RBFOX1: variants seen among roughly 807,000 people sequenced by gnomAD.
RBFOX1 encodes RNA binding protein fox-1 homolog 1.
Under a neutral mutation model 57.7 loss-of-function variants are expected in RBFOX1, and 8 were observed. The observed-to-expected ratio is 0.14, with a 90% CI of 0.08 to 0.25. The LOEUF (loss-of-function observed/expected upper bound fraction) is 0.25. RBFOX1 is among the 10% of genes least tolerant of loss of function. RBFOX1 has a pLI of 1.00. For missense variants in RBFOX1, 611 were observed against 548.5 expected, an observed-to-expected ratio of 1.11 and a Z score of -1.14; for synonymous variants, 326 against 222.4, an observed-to-expected ratio of 1.47 and a Z score of -4.15.
intron 4 of RBFOX1, among the ~76,000 whole-genome samples, chr16:7,464,040 C>G (rs1325275612): frequency 6.6e-6 from 1 of 152,214 alleles, no homozygotes; most frequent in East Asian, 1.9e-4. Context: ...GCCTTGGCTG[C>G]TAATCTTTTT....
At chr16:5,609,172 C>T (rs1054069268) in intron 3 of RBFOX1, among the ~76,000 whole-genome samples, 1 of 152,078 alleles carries the variant, frequency 6.6e-6, no homozygotes, top group East Asian at 1.9e-4. Flanking sequence ...CGAAATGGGC[C>T]GAACCACCTG....
At chr16:6,343,950 A>G (rs760163540) in intron 2 of RBFOX1, among the ~76,000 whole-genome samples, 1 of 152,212 alleles carries the variant, frequency 6.6e-6, no homozygotes, top group Non-Finnish European at 1.5e-5. Flanking sequence ...GCTGTTACAA[A>G]TGTCAGCTGA....
At chr16:6,464,851 T>A (rs2095005808) in intron 2 of RBFOX1, among the ~76,000 whole-genome samples, 1 of 152,206 alleles carries the variant, frequency 6.6e-6, no homozygotes, top group South Asian at 2.1e-4. Context: ...AGCAGTGCGT[T>A]AAAAACAGGT....
chr16:5,488,421 G>A (rs2042710480), intron 2 of RBFOX1, among the ~76,000 whole-genome samples: 1 of 151,772 alleles, frequency 6.6e-6, no homozygotes, highest in African/African-American at 2.4e-5. Flanking sequence ...TGATGATAAT[G>A]GAGGATTATG....
At chr16:7,229,681 A>G (rs1225323849) in intron 4 of RBFOX1, among the ~76,000 whole-genome samples, 28 of 74,514 alleles carry the variant, frequency 3.8e-4, no homozygotes, top group East Asian at 8.7e-4. Context: ...AGTAAGGGAG[A>G]GAGACGAAGG....
intron 3 of RBFOX1, among the ~76,000 whole-genome samples, chr16:6,963,660 G>A (rs1395954292): frequency 6.6e-6 from 1 of 152,094 alleles, no homozygotes; most frequent in Non-Finnish European, 1.5e-5. Flanking sequence ...GGGAGGGAGG[G>A]ATGAAGAGGC....
intron 2 of RBFOX1, among the ~76,000 whole-genome samples, chr16:6,412,003 G>T (rs1016552025): frequency 1.3e-5 from 2 of 151,922 alleles, no homozygotes; most frequent in Admixed American, 6.6e-5. Flanking sequence ...GTAGTGGCAG[G>T]CGCCTGTAAT....
intron 2 of RBFOX1, among the ~76,000 whole-genome samples, chr16:6,536,947 C>T (rs747616331): frequency 1.4e-4 from 21 of 152,112 alleles, no homozygotes; most frequent in Non-Finnish European, 2.5e-4. Context: ...TTTGTTTCTT[C>T]TAATACTCTA....
At chr16:7,244,795 T>G (rs913639456) in intron 4 of RBFOX1, among the ~76,000 whole-genome samples, 1 of 152,224 alleles carries the variant, frequency 6.6e-6, no homozygotes, top group African/African-American at 2.4e-5. Flanking sequence ...GGCTGGGTCA[T>G]CAGACATATG....
At chr16:7,614,207 G>C (rs184749297) in intron 10 of RBFOX1, 2 of 152,316 alleles carry the variant, frequency 1.3e-5, no homozygotes, top group Non-Finnish European at 1.5e-5. Context: ...GCACTTCAGT[G>C]AACTGGAACA....
At chr16:6,726,277 T>G (rs1187688333) in intron 3 of RBFOX1, among the ~76,000 whole-genome samples, 4 of 152,230 alleles carry the variant, frequency 2.6e-5, no homozygotes, top group African/African-American at 9.6e-5. Context: ...GACTCTGGTT[T>G]TATGTAACAT....
chr16:5,618,873 A>C (rs1268637273), intron 3 of RBFOX1, among the ~76,000 whole-genome samples: 1 of 152,136 alleles, frequency 6.6e-6, no homozygotes, highest in Non-Finnish European at 1.5e-5. Context: ...CAGATCCAGA[A>C]CCCAGCTTCC....
chr16:7,657,786 G>T (rs1035078374), intron 12 of RBFOX1, among the ~76,000 whole-genome samples: 1 of 152,046 alleles, frequency 6.6e-6, no homozygotes, highest in Non-Finnish European at 1.5e-5. Context: ...GAAAGTTGTG[G>T]ACCATGGTGG....
At chr16:6,728,665 T>C (rs907495904) in intron 3 of RBFOX1, among the ~76,000 whole-genome samples, 1 of 152,138 alleles carries the variant, frequency 6.6e-6, no homozygotes, top group East Asian at 1.9e-4. Context: ...TCTGAATAAT[T>C]CAAATAGCAA....
At chr16:5,693,847 C>T (rs1040422890) in intron 3 of RBFOX1, among the ~76,000 whole-genome samples, 1 of 152,136 alleles carries the variant, frequency 6.6e-6, no homozygotes, top group African/African-American at 2.4e-5. Context: ...CTTTTTGTGA[C>T]AGTTTTCCTG....
chr16:6,610,288 A>T (rs1468895329), intron 2 of RBFOX1, among the ~76,000 whole-genome samples: 2 of 151,314 alleles, frequency 1.3e-5, no homozygotes, highest in Non-Finnish European at 3.0e-5. Context: ...GTAAGCATGA[A>T]TTATGGAAGA....
At chr16:6,442,418 A>G (rs956427155) in intron 2 of RBFOX1, among the ~76,000 whole-genome samples, 3 of 152,096 alleles carry the variant, frequency 2.0e-5, no homozygotes, top group Non-Finnish European at 2.9e-5. Context: ...TTAGCTGGGC[A>G]TGGTGGCACG....
intron 2 of RBFOX1, among the ~76,000 whole-genome samples, chr16:6,588,309 A>G (rs1486979503): frequency 6.6e-6 from 1 of 152,034 alleles, no homozygotes; most frequent in Non-Finnish European, 1.5e-5. Context: ...ACTAACTGGA[A>G]CATGCATCGC....
chr16:7,131,459 C>T (rs954364275), intron 4 of RBFOX1, among the ~76,000 whole-genome samples: 13 of 148,348 alleles, frequency 8.8e-5, no homozygotes, highest in African/African-American at 2.7e-4. Context: ...GCTTCTGCTC[C>T]GGTAGGTTTC....
Sources: allele counts gnomAD v4.1 joint callset (sites outside exome capture counted in the v4.1 genomes callset), GRCh38; gene constraint gnomAD v4.1.1; transcripts MANE v1.5; gene names NCBI Gene and HGNC (gene_info 2026-07-23, HGNC 2026-07-21).